PARD3: variants seen among roughly 807,000 people sequenced by gnomAD.
PARD3 encodes the protein par-3 family cell polarity regulator, also known as partitioning defective 3 homolog.
A neutral mutation model predicts 155.4 loss-of-function variants in PARD3; 75 were observed. The observed-to-expected ratio is 0.48, with a 90% confidence interval of 0.40 to 0.58. The LOEUF (loss-of-function observed/expected upper bound fraction) is 0.58, where lower values mean the gene tolerates loss of function less well. Among genes scored for constraint, PARD3 ranks in the 20% least tolerant of loss-of-function variants. The probability of loss-of-function intolerance (pLI) is 0.00; values close to 1 mark genes in which losing one functional copy is unlikely to be tolerated. For synonymous variants in PARD3, 576 were observed against 610.5 expected (o/e 0.94, Z 0.83); for missense variants, 1,642 against 1,721.7 (o/e 0.95, Z 0.82).
At chr10:34,123,068 C>T (rs149606350) in intron 23 of PARD3, among the ~76,000 whole-genome samples, 308 of 152,216 alleles carry the variant, frequency 2.0e-3, no homozygotes, top group African/African-American at 5.9e-3. Context: ...GAGAACAAGG[C>T]GAAGCTCTGT....
intron 1 of PARD3, among the ~76,000 whole-genome samples, chr10:34,805,843 G>T (rs1393838034): frequency 2.0e-5 from 3 of 151,848 alleles, no homozygotes; most frequent in African/African-American, 7.3e-5. Flanking sequence ...CAGGCGTGGT[G>T]GTGGGCACCT....
chr10:34,621,602 G>A (rs903799102), intron 2 of PARD3, among the ~76,000 whole-genome samples: 2 of 152,026 alleles, frequency 1.3e-5, no homozygotes, highest in African/African-American at 2.4e-5. Context: ...ACAGTTTACT[G>A]CACAAACTGA....
At chr10:34,379,695 C>T (rs1194523868) in intron 9 of PARD3, among the ~76,000 whole-genome samples, 1 of 152,036 alleles carries the variant, frequency 6.6e-6, no homozygotes, top group African/African-American at 2.4e-5. Context: ...AAGTAGATAT[C>T]AATTTTCATT....
intron 22 of PARD3, among the ~76,000 whole-genome samples, chr10:34,190,726 G>C (rs1274474): frequency 0.41 from 62,028 of 152,026 alleles, 13,533 homozygotes; most frequent in Non-Finnish European, 0.49. Context: ...ACCAGAGGCC[G>C]GGAATGCAAC....
chr10:34,510,741 G>C (rs1028650108), intron 3 of PARD3, among the ~76,000 whole-genome samples: 2 of 151,816 alleles, frequency 1.3e-5, no homozygotes, highest in Non-Finnish European at 2.9e-5. Flanking sequence ...CCAACATATA[G>C]AAGTAGACAG....
intron 18 of PARD3, among the ~76,000 whole-genome samples, chr10:34,334,250 C>A (rs953840912): frequency 3.7e-5 from 5 of 135,106 alleles, no homozygotes; most frequent in Non-Finnish European, 4.6e-5. Flanking sequence ...AAATATGATA[C>A]AAGATTCCTA....
At chr10:34,425,700 G>A (rs1181813666) in intron 5 of PARD3, among the ~76,000 whole-genome samples, 3 of 152,140 alleles carry the variant, frequency 2.0e-5, no homozygotes, top group Non-Finnish European at 2.9e-5. Context: ...AAAATAGGTG[G>A]CGCTGGGCAT....
intron 2 of PARD3, among the ~76,000 whole-genome samples, chr10:34,548,065 C>G (rs1009418323): frequency 8.5e-5 from 13 of 152,166 alleles, no homozygotes; most frequent in African/African-American, 3.1e-4. Context: ...AGCAGTTAGG[C>G]TATACTTCAA....
chr10:34,785,665 A>T (rs1458384112), intron 1 of PARD3, among the ~76,000 whole-genome samples: 1 of 152,132 alleles, frequency 6.6e-6, no homozygotes, highest in Non-Finnish European at 1.5e-5. Flanking sequence ...TGAGCCCAGG[A>T]TTTCAAAGCT....
At chr10:34,749,559 T>G (rs574941768) in intron 1 of PARD3, among the ~76,000 whole-genome samples, 2 of 152,006 alleles carry the variant, frequency 1.3e-5, no homozygotes, top group East Asian at 3.9e-4. Flanking sequence ...TAAGTTTAAA[T>G]CCCTAGGAAA....
At chr10:34,238,077 C>A (rs776208499) in intron 22 of PARD3, among the ~76,000 whole-genome samples, 4 of 152,188 alleles carry the variant, frequency 2.6e-5, no homozygotes, top group Non-Finnish European at 5.9e-5. Flanking sequence ...ATGTACTGTA[C>A]TCCACCTCTA....
intron 1 of PARD3, among the ~76,000 whole-genome samples, chr10:34,727,593 C>CA (rs1241498196): frequency 1.4e-4 from 21 of 150,918 alleles, no homozygotes; most frequent in East Asian, 3.9e-4. Context: ...ACGACAACAA[C>CA]AAAAAAAACA....
intron 1 of PARD3, among the ~76,000 whole-genome samples, chr10:34,754,026 T>A (rs1836392841): frequency 6.6e-6 from 1 of 152,164 alleles, no homozygotes; most frequent in African/African-American, 2.4e-5. Flanking sequence ...ATTTATTTTT[T>A]TTTTTTTAGA....
chr10:34,120,932 T>A (rs1946962206), intron 23 of PARD3, among the ~76,000 whole-genome samples: 1 of 152,024 alleles, frequency 6.6e-6, no homozygotes, highest in South Asian at 2.1e-4. Flanking sequence ...GTGGCACATG[T>A]CTGTGATCCC....
chr10:34,502,591 C>A lies in PARD3; in HGVS notation c.403+14388G>T, dbSNP rs115296104. ...GTGTAGCGATATATAGACACACACA[C>A]ACAGACACTCAGAACTACATATACC... On this transcript the variant is annotated intron_variant, in intron 3 of 24. Coordinates refer to ENST00000374788, the MANE Select transcript of PARD3 (RefSeq NM_001184785.2). Among the ~76,000 whole-genome samples the A allele has an allele frequency of 3.7e-3, 570 of 152,172 alleles. 1 individual carries two copies. Among genetic ancestry groups the A allele is most frequent in the African/African-American group, 0.013 (531 of 41,518 alleles).
intron 22 of PARD3, among the ~76,000 whole-genome samples, chr10:34,230,474 G>A (rs763866183): frequency 1.1e-4 from 16 of 152,138 alleles, no homozygotes; most frequent in Non-Finnish European, 2.1e-4. Context: ...CCAATATCTA[G>A]AGAAGAAATA....
intron 3 of PARD3, among the ~76,000 whole-genome samples, chr10:34,485,220 G>A (rs7901302): frequency 4.6e-5 from 7 of 151,838 alleles, no homozygotes; most frequent in Non-Finnish European, 1.0e-4. Context: ...CACCTGTAAC[G>A]CCAGCTACTC....
chr10:34,359,358 C>G lies in PARD3; in HGVS notation c.1897-41G>C, dbSNP rs775521871. The G allele has an allele frequency of 6.3e-6, 9 of 1,427,558 alleles. No homozygotes were observed. In the Admixed American group the frequency reaches 8.1e-5, roughly 13 times the overall value. The allele number at this position is 1,427,558 out of a possible 1,614,324, so 88.4% of individuals were successfully genotyped here. The stretch of plus-strand genomic sequence containing the variant: ...GTAAAAATAAGTGCTATTAAACAGA[C>G]TGCTATAAAAGAAGTAGCTTTTCCT... On this transcript the variant is annotated intron_variant, in intron 13 of 24. Coordinates refer to ENST00000374788, the MANE Select transcript of PARD3 (RefSeq NM_001184785.2).
intron 3 of PARD3, among the ~76,000 whole-genome samples, chr10:34,497,290 C>T (rs183233395): frequency 5.8e-4 from 88 of 152,086 alleles, no homozygotes; most frequent in Non-Finnish European, 9.6e-4. Context: ...CAAATAAAAA[C>T]AATATAGTAT....
Sources: gnomAD v4.1 joint callset for allele counts (sites outside exome capture counted in the v4.1 genomes callset) on GRCh38, gnomAD v4.1.1 for gene constraint, MANE v1.5 for transcripts, NCBI Gene and HGNC (gene_info 2026-07-23, HGNC 2026-07-21) for gene names.